FBL: variants seen among roughly 807,000 people sequenced by gnomAD.
FBL encodes fibrillarin rRNA 2'-O-methyltransferase, also known as rRNA 2'-O-methyltransferase fibrillarin.
A neutral mutation model predicts 42.2 loss-of-function variants in FBL; 10 were observed. The ratio of observed to expected loss-of-function variants is 0.24; its 90% CI spans 0.15 to 0.40. FBL has a LOEUF of 0.40. FBL is among the 10% of genes least tolerant of loss of function. The pLI, the probability that FBL is intolerant of heterozygous loss-of-function variation, is 1.00. For missense variants in FBL, 351 were observed against 439.2 expected (o/e 0.80, Z 1.79); for synonymous variants, 165 against 165.4 (o/e 1.00, Z 0.02).
At chr19:39,844,372 G>A (rs573371590) in intron 1 of FBL, among the ~76,000 whole-genome samples, 9 of 151,590 alleles carry the variant, frequency 5.9e-5, no homozygotes, top group South Asian at 2.1e-4. Flanking sequence ...ATCTCAATCC[G>A]TTTCAGGTCC....
Position 39,840,262 on chromosome 19 carries a change from C to G in FBL, c.349G>C (p.Val117Leu). ...ATCGAGACTCTCTTCTCTCCATAAACTGATTCCCCAGGGACCAGGTTCTTG... is the reference window on the plus strand; with the variant it reads ...ATCGAGACTCTCTTCTCTCCATAAAGTGATTCCCCAGGGACCAGGTTCTTG... ...VTKNLVPGES[V>L]YGEKRVSISE... The change falls in exon 4 of 9, where the codon GTT (valine) becomes CTT (leucine). Residue 117 changes from valine to leucine, a missense_variant. Coordinates refer to ENST00000221801, the MANE Select transcript of FBL (RefSeq NM_001436.4). This position sits in a 1 kb window ranked among gnomAD's most constrained non-coding sequence, Gnocchi z 4.5. 2 of 1,614,126 alleles carry G rather than the reference C, an allele frequency of 1.2e-6. No individual in the cohort carries two copies. Among genetic ancestry groups the G allele is most frequent in the African/African-American group, 1.3e-5 (1 of 75,014 alleles).
At chr19:39,842,994 C>T (rs1336345173) in intron 1 of FBL, among the ~76,000 whole-genome samples, 1 of 152,180 alleles carries the variant, frequency 6.6e-6, no homozygotes, top group Non-Finnish European at 1.5e-5. Flanking sequence ...ATGGCTCACT[C>T]GCTCCTTCAC....
chr19:39,844,416 C>T (rs752995415), intron 1 of FBL, among the ~76,000 whole-genome samples: 3 of 152,010 alleles, frequency 2.0e-5, no homozygotes, highest in Non-Finnish European at 4.4e-5. Flanking sequence ...CCAAAAGTAC[C>T]CAGTCCTCAG....
intron 1 of FBL, among the ~76,000 whole-genome samples, chr19:39,845,307 G>T (rs1440052893): frequency 6.6e-6 from 1 of 152,186 alleles, no homozygotes; most frequent in Non-Finnish European, 1.5e-5. Flanking sequence ...TTCTCTTTGA[G>T]AAAGATAAAG....
chr19:39,834,715 G>A lies in FBL; in HGVS notation c.894C>T (p.Thr298=), dbSNP rs1968994212. The change falls in exon 8 of 9, where the codon ACC becomes ACT. Residue 298 remains threonine, a synonymous_variant. Transcript: ENST00000221801. ...QENMKPQEQL[T]LEPYERDHAV... ...CATGGTCTCTTTCATATGGCTCAAG[G>A]GTCAACTGCTCCTGCGGCTTCATGT... 1 of 1,614,106 alleles carries A rather than the reference G, an allele frequency of 6.2e-7. No homozygotes were observed. Among genetic ancestry groups the A allele is most frequent in the Non-Finnish European group, 8.5e-7 (1 of 1,180,018 alleles).
At chr19:39,835,248 T>C (rs891438460) in intron 7 of FBL, among the ~76,000 whole-genome samples, 2 of 152,184 alleles carry the variant, frequency 1.3e-5, no homozygotes, top group African/African-American at 4.8e-5. Context: ...AGGCTGGGCG[T>C]GGTGGCTCAC....
At position 39,834,557 on chromosome 19, in the gene FBL, G is replaced by A; in HGVS notation, c.947C>T (p.Pro316Leu). ...HAVVVGVYRPPPKVKN is the reference protein window; with the variant it reads ...HAVVVGVYRPLPKVKN ...TGAACTTCAGTTCTTCACCTTGGGG[G>A]GTGGCCTGTGAGAGGAAGATAGGTG... Residue 316 changes from proline to leucine, a missense_variant, in exon 9 of 9, where the codon CCC becomes CTC. Pro to Leu is a moderately conservative substitution (Grantham distance 98). Coordinates refer to ENST00000221801, the MANE Select transcript of FBL (RefSeq NM_001436.4). 6.2e-7 allele frequency: 1 copy of A among 1,614,102 alleles called. No individual in the cohort carries two copies.
chr19:39,839,292 G>A (rs909065467), intron 4 of FBL, 87 bp from the exon 5 acceptor site: 31 of 1,096,540 alleles, frequency 2.8e-5, no homozygotes, highest in Non-Finnish European at 2.4e-5. Context: ...GAAAGGAACT[G>A]GGCTGTCCTA....
At position 39,834,826 on chromosome 19, in the gene FBL, A is replaced by C. The variant is rs767875982; in HGVS notation, c.796-13T>G. 3.1e-6 allele frequency: 5 copies of C among 1,614,156 alleles called. No individual in the cohort carries two copies. The South Asian group carries it at 3.3e-5, about 11-fold the overall frequency. ...CAATGCAGTTGGCCTAAAGAGGAGA[A>C]AGGACTAATGTCTACAACAGGGCTT... On this transcript the variant is annotated splice_polypyrimidine_tract_variant and intron_variant, in intron 7 of 8. Transcript: ENST00000221801.
chr19:39,837,295 C>A (rs1277926030), intron 6 of FBL, among the ~76,000 whole-genome samples: 1 of 152,136 alleles, frequency 6.6e-6, no homozygotes, highest in East Asian at 1.9e-4. Context: ...TATATTATAT[C>A]TTTGAATGTT....
chr19:39,836,082 T>A (rs1859295092), intron 7 of FBL, among the ~76,000 whole-genome samples: 1 of 152,154 alleles, frequency 6.6e-6, no homozygotes, highest in South Asian at 2.1e-4. Context: ...AATAATGCAG[T>A]TGAGAATAAT....
chr19:39,844,546 G>A (rs921605931), intron 1 of FBL, among the ~76,000 whole-genome samples: 6 of 152,012 alleles, frequency 3.9e-5, no homozygotes, highest in African/African-American at 1.5e-4. Flanking sequence ...CTCAAAAATG[G>A]CAATTCCATC....
At chr19:39,837,939 C>A in intron 5 of FBL, 96 bp from the exon 6 acceptor site, 1 of 997,758 alleles carries the variant, frequency 1.0e-6, no homozygotes, top group Non-Finnish European at 1.5e-6. Flanking sequence ...TCTCTTCCAA[C>A]CCCCAAATCA....
At chr19:39,838,252 T>C (rs1441644435) in intron 5 of FBL, 1 of 156,272 alleles carries the variant, frequency 6.4e-6, no homozygotes, top group African/African-American at 2.4e-5. Flanking sequence ...ACTTGCCTGA[T>C]TAAAGCCTGA....
chr19:39,845,599 T>C (rs1214022326), intron 1 of FBL, among the ~76,000 whole-genome samples: 2 of 152,114 alleles, frequency 1.3e-5, no homozygotes, highest in African/African-American at 2.4e-5. Context: ...ACTACTTACC[T>C]CCTGTGACAA....
chr19:39,844,481 G>A (rs1441554035), intron 1 of FBL, among the ~76,000 whole-genome samples: 1 of 151,790 alleles, frequency 6.6e-6, no homozygotes, highest in Non-Finnish European at 1.5e-5. Flanking sequence ...TGGGGGGAGG[G>A]GGGTCCATAA....
chr19:39,844,278 C>T (rs541145877), intron 1 of FBL, among the ~76,000 whole-genome samples: 1 of 152,254 alleles, frequency 6.6e-6, no homozygotes, highest in South Asian at 2.1e-4. Flanking sequence ...AGTCTCAACC[C>T]AGGCCTAACA....
intron 7 of FBL, 103 bp from the exon 8 acceptor site, chr19:39,834,916 C>A: frequency 8.0e-7 from 1 of 1,248,740 alleles, no homozygotes; most frequent in Non-Finnish European, 1.1e-6. Flanking sequence ...AAGTAAAACT[C>A]AGTGCTATGG....
At position 39,837,863 on chromosome 19, in the gene FBL, A is replaced by C; in HGVS notation, c.550-20T>G. The C allele has an allele frequency of 6.2e-7, 1 of 1,610,804 alleles. No individual in the cohort carries two copies. Among genetic ancestry groups the C allele is most frequent in the East Asian group, 2.2e-5 (1 of 44,634 alleles). On this transcript the variant is annotated intron_variant, in intron 5 of 8. Transcript: ENST00000221801. ...ACCATCCTAAAATAAATTAAAAATTAATGAACAGTGATGCTAGTTCTCATG... is the reference window on the plus strand; with the variant it reads ...ACCATCCTAAAATAAATTAAAAATTCATGAACAGTGATGCTAGTTCTCATG...
Sources: allele counts gnomAD v4.1 joint callset (sites outside exome capture counted in the v4.1 genomes callset), GRCh38; gene constraint gnomAD v4.1.1; non-coding constraint Gnocchi (gnomAD v3.1); transcripts MANE v1.5; gene names NCBI Gene and HGNC (gene_info 2026-07-23, HGNC 2026-07-21).